Variants in RCBTB1 observed in about 807,000 individuals in gnomAD.
The protein encoded by RCBTB1 is RCC1 and BTB domain containing protein 1, also known as RCC1 and BTB domain-containing protein 1.
A neutral mutation model predicts 62.4 loss-of-function variants in RCBTB1; 46 were observed. The ratio of observed to expected loss-of-function variants is 0.74; its 90% CI spans 0.58 to 0.94. RCBTB1 has a LOEUF of 0.94. RCBTB1 is among the 40% of genes least tolerant of loss of function. RCBTB1 has a pLI of 0.00. For synonymous variants in RCBTB1, 222 were observed against 245.8 expected (o/e 0.90, Z 0.91); for missense variants, 565 against 654.9 (o/e 0.86, Z 1.50).
chr13:49,560,136 T>C, intron 4 of RCBTB1, 52 bp from the exon 5 acceptor site: 2 of 1,583,944 alleles, frequency 1.3e-6, no homozygotes, highest in South Asian at 1.2e-5. Flanking sequence ...ATAGTAACCC[T>C]GTACTTTCTT....
intron 1 of RCBTB1, among the ~76,000 whole-genome samples, chr13:49,584,373 T>C (rs1964275646): frequency 6.6e-6 from 1 of 152,188 alleles, no homozygotes; most frequent in Non-Finnish European, 1.5e-5. Context: ...ATTCACACAA[T>C]GGATTAAATG....
intron 11 of RCBTB1, 78 bp from the exon 12 acceptor site, chr13:49,541,084 GAGGTGTAC>G (rs1341012070): frequency 7.8e-7 from 1 of 1,279,078 alleles, no homozygotes; most frequent in East Asian, 2.4e-5. Flanking sequence ...TTGGTGAACA[GAGGTGTAC>G]AGGTAAATTA....
chr13:49,580,009 T>C (rs1204004203), intron 2 of RCBTB1, among the ~76,000 whole-genome samples: 1 of 152,162 alleles, frequency 6.6e-6, no homozygotes, highest in Non-Finnish European at 1.5e-5. Flanking sequence ...ATTCATTTCA[T>C]CTCGTCTCAC....
intron 6 of RCBTB1, among the ~76,000 whole-genome samples, chr13:49,553,925 A>G (rs1961616686): frequency 6.6e-6 from 1 of 152,252 alleles, no homozygotes; most frequent in African/African-American, 2.4e-5. Flanking sequence ...ATACACATAC[A>G]CAGAGTAACA....
chr13:49,563,043 T>C (rs1962575991), intron 4 of RCBTB1, among the ~76,000 whole-genome samples: 1 of 150,020 alleles, frequency 6.7e-6, no homozygotes, highest in Non-Finnish European at 1.5e-5. Flanking sequence ...CTTAAAAAAA[T>C]AAAAATAAAA....
rs979373490 is a variant in RCBTB1, at chr13:49,554,076, C to T, written c.603+1439G>A. Among the ~76,000 whole-genome samples, 3 of 152,228 alleles carry T rather than the reference C, an allele frequency of 2.0e-5. 1 individual carries two copies. Among genetic ancestry groups the T allele is most frequent in the Admixed American group, 6.5e-5 (1 of 15,284 alleles). ...TGGAAAGCCGCATAAATGGTCTGAT[C>T]ACAGACACAGATAAACACAGGATGC... On this transcript the variant is annotated intron_variant, in intron 6 of 12. Coordinates refer to ENST00000378302, the MANE Select transcript of RCBTB1 (RefSeq NM_018191.4).
chr13:49,551,488 G>T lies in RCBTB1; in HGVS notation c.712-20C>A, dbSNP rs757394822. 4 of 1,613,286 alleles carry T rather than the reference G, an allele frequency of 2.5e-6. No homozygotes were observed. The South Asian group carries it at 4.4e-5, about 18-fold the overall frequency. ...GACAATCTGCAAGTAAATTGAAACG[G>T]TTACCATTAGCAGGAAAACAGGAAG... On this transcript the variant is annotated intron_variant, in intron 7 of 12. Transcript: ENST00000378302.
At chr13:49,537,814 C>T (rs1017427408) in intron 12 of RCBTB1, 2 of 152,210 alleles carry the variant, frequency 1.3e-5, no homozygotes, top group Non-Finnish European at 2.9e-5. Context: ...CTTAATAAAA[C>T]TTGTGGACAG....
intron 10 of RCBTB1, among the ~76,000 whole-genome samples, chr13:49,544,057 T>C (rs1042589140): frequency 6.6e-6 from 1 of 152,254 alleles, no homozygotes; most frequent in African/African-American, 2.4e-5. Flanking sequence ...GAGAGTTTTC[T>C]GCTTAATCTA....
intron 9 of RCBTB1, chr13:49,546,043 C>T: frequency 1.0e-6 from 1 of 971,140 alleles, no homozygotes. Context: ...AAAAGTCAGG[C>T]TTCCCCTGAC....
Position 49,533,941 on chromosome 13 carries a change from T to C in RCBTB1, c.*181A>G, listed in dbSNP as rs1463944992. 5.8e-6 allele frequency: 3 copies of C among 513,550 alleles called. No homozygotes were observed. Among genetic ancestry groups the C allele is most frequent in the Non-Finnish European group, 1.0e-5 (3 of 299,426 alleles). The allele number at this position is 513,550 out of a possible 1,614,324, so 31.8% of individuals were successfully genotyped here. On this transcript the variant is annotated 3_prime_UTR_variant, in exon 13 of 13. Transcript: ENST00000378302. ...ATCTGGAAACAAGGGTTGTTTAAAA[T>C]GGGCTCAAGAAAAGCCGTACACCCT...
Position 49,540,754 on chromosome 13 carries a change from T to C in RCBTB1, c.1455+122A>G, listed in dbSNP as rs550100688. 5.2e-5 allele frequency: 55 copies of C among 1,052,830 alleles called. 1 individual carries two copies. In the South Asian group the frequency reaches 9.6e-4, roughly 18 times the overall value. The allele number at this position is 1,052,830 out of a possible 1,614,324, so 65.2% of individuals were successfully genotyped here. A position where few individuals can be genotyped will look rare whatever the true frequency, so the allele number is the denominator to read the frequency against. Reference sequence around the variant, plus strand: ...GGGCAGATTTCAGTTTTCAATGGGTTCACTGATTCCCTAAACAGAAGTGGA... The same window carrying C: ...GGGCAGATTTCAGTTTTCAATGGGTCCACTGATTCCCTAAACAGAAGTGGA... On this transcript the variant is annotated intron_variant, in intron 12 of 12. Transcript: ENST00000378302.
chr13:49,562,976 C>T (rs1962570130), intron 4 of RCBTB1, among the ~76,000 whole-genome samples: 1 of 150,592 alleles, frequency 6.6e-6, no homozygotes, highest in South Asian at 2.1e-4. Flanking sequence ...CCAGAAATGA[C>T]CAATACAATA....
intron 8 of RCBTB1, among the ~76,000 whole-genome samples, chr13:49,550,166 A>G (rs9596140): frequency 0.24 from 36,824 of 151,690 alleles, 5,738 homozygotes; most frequent in African/African-American, 0.44. Context: ...TTTTATAGAG[A>G]CAGAGTCTCG....
Position 49,566,741 on chromosome 13 carries a change from T to G in RCBTB1, c.154A>C (p.Asn52His), listed in dbSNP as rs141367582. The change falls in exon 4 of 13, where the codon AAC (asparagine) becomes CAC (histidine). Residue 52 changes from asparagine to histidine, a missense_variant. Coordinates refer to ENST00000378302, the MANE Select transcript of RCBTB1 (RefSeq NM_018191.4). ...TGGTTATCTCCAGTTCCTAGACAGT[T>G]ACTATAGTTCAGTCCAAATACAAAG... The part of the protein sequence containing the change: ...EVFVFGLNYS[N>H]CLGTGDNQST... 78 of 1,613,714 alleles carry G rather than the reference T, an allele frequency of 4.8e-5. 1 individual carries two copies. Among genetic ancestry groups the G allele is most frequent in the Admixed American group, 2.7e-4 (16 of 59,942 alleles).
chr13:49,551,623 G>A (rs918329436), intron 7 of RCBTB1, among the ~76,000 whole-genome samples, 155 bp from the exon 8 acceptor site: 2 of 152,236 alleles, frequency 1.3e-5, no homozygotes, highest in Non-Finnish European at 2.9e-5. Flanking sequence ...TTAGAAGGCC[G>A]GGCGTGGTGG....
Position 49,548,056 on chromosome 13 carries a change from G to A in RCBTB1, c.1045+1402C>T, listed in dbSNP as rs569938405. ...GGCCTCCCAAAGTGCTGAGATTACA[G>A]GTGTGAGCCACCACACCCAGCCGGT... is the stretch of plus-strand genomic sequence containing the variant. On this transcript the variant is annotated intron_variant, in intron 9 of 12. Coordinates refer to ENST00000378302, the MANE Select transcript of RCBTB1 (RefSeq NM_018191.4). Among the ~76,000 whole-genome samples the A allele has an allele frequency of 8.0e-4, 122 of 152,074 alleles. 2 individuals carry two copies. In the South Asian group the frequency reaches 0.025, roughly 31 times the overall value.
rs1032317981 is a variant in RCBTB1, at chr13:49,533,070, A to T, written c.*1052T>A. The T allele has an allele frequency of 1.3e-4, 20 of 151,782 alleles. No homozygotes were observed. The highest frequency in any genetic ancestry group is 4.6e-4 in the African/African-American group (19 of 41,336). 9.4% of individuals were successfully genotyped at this position (151,782 alleles called of 1,614,324 possible). A position where few individuals can be genotyped will look rare whatever the true frequency, so the allele number is the denominator to read the frequency against. On this transcript the variant is annotated 3_prime_UTR_variant, in exon 13 of 13. Coordinates refer to ENST00000378302, the MANE Select transcript of RCBTB1 (RefSeq NM_018191.4). ...AGATGTTTAAAAACAGAGGAAAACC[A>T]AAAGTGAAAGATGATAAAGTTTCAC...
chr13:49,561,203 A>C lies in RCBTB1; in HGVS notation c.278-1119T>G, dbSNP rs796676755. Among the ~76,000 whole-genome samples the C allele has an allele frequency of 6.6e-5, 10 of 152,324 alleles. 1 individual carries two copies. Among genetic ancestry groups the C allele is most frequent in the African/African-American group, 2.4e-4 (10 of 41,558 alleles). On this transcript the variant is annotated intron_variant, in intron 4 of 12. Coordinates refer to ENST00000378302, the MANE Select transcript of RCBTB1 (RefSeq NM_018191.4). The stretch of plus-strand genomic sequence containing the variant: ...ATTAAGGACAGTCTGCCTGGCAACA[A>C]CACTCAAGGGCAACAGCAGAAATCC...
Sources: gnomAD v4.1 joint callset for allele counts (sites outside exome capture counted in the v4.1 genomes callset) on GRCh38, gnomAD v4.1.1 for gene constraint, MANE v1.5 for transcripts, NCBI Gene and HGNC (gene_info 2026-07-23, HGNC 2026-07-21) for gene names.